The following KPNA4 variants were observed in gnomAD, a reference collection of about 807,000 sequenced individuals.
KPNA4 encodes karyopherin subunit alpha 4.
In KPNA4, 13 loss-of-function variants were observed where a neutral mutation model predicts 71.3. The ratio of observed to expected loss-of-function variants is 0.18; its 90% confidence interval spans 0.12 to 0.29. KPNA4 has a LOEUF of 0.29. Among genes scored for constraint, KPNA4 ranks in the 10% least tolerant of loss-of-function variants. The pLI is 1.00. For missense variants in KPNA4, 334 were observed against 603.2 expected, an observed-to-expected ratio of 0.55 and a Z score of 4.67; for synonymous variants, 189 against 195.2, an observed-to-expected ratio of 0.97 and a Z score of 0.26.
intron 5 of KPNA4, among the ~76,000 whole-genome samples, chr3:160,534,981 C>T (rs1721656453): frequency 6.6e-6 from 1 of 151,868 alleles, no homozygotes; most frequent in South Asian, 2.1e-4. Flanking sequence ...CTCGGCCTCC[C>T]AAAGTGCTGG....
intron 7 of KPNA4, among the ~76,000 whole-genome samples, chr3:160,530,109 T>C (rs1183821726): frequency 8.1e-6 from 1 of 123,430 alleles, no homozygotes; most frequent in African/African-American, 3.2e-5. Context: ...CACTCCAGCC[T>C]GGGCGACAGA....
At chr3:160,511,887 T>C (rs2108544891) in intron 13 of KPNA4, among the ~76,000 whole-genome samples, 1 of 152,072 alleles carries the variant, frequency 6.6e-6, no homozygotes, top group Admixed American at 6.5e-5. Context: ...GTAATTATGC[T>C]AATGTTTTTA....
At chr3:160,539,915 G>T (rs1383744483) in intron 1 of KPNA4, among the ~76,000 whole-genome samples, 1 of 149,462 alleles carries the variant, frequency 6.7e-6, no homozygotes, top group Non-Finnish European at 1.5e-5. Context: ...TAAATGTTTT[G>T]TTTACTCCAA....
intron 10 of KPNA4, among the ~76,000 whole-genome samples, chr3:160,522,461 CTT>C (rs565597839): frequency 3.4e-5 from 5 of 146,508 alleles, no homozygotes; most frequent in Non-Finnish European, 7.6e-5. Flanking sequence ...CTGGAGACAA[CTT>C]TTTTTTTTTT....
chr3:160,561,039 C>T (rs746705056), intron 1 of KPNA4, among the ~76,000 whole-genome samples: 30 of 151,524 alleles, frequency 2.0e-4, no homozygotes, highest in Non-Finnish European at 3.9e-4. Flanking sequence ...ATTTATTAAA[C>T]TCTTGCCAAC....
chr3:160,541,649 G>GCACACA (rs60806533), intron 1 of KPNA4, among the ~76,000 whole-genome samples: 6,575 of 146,678 alleles, frequency 0.045, 135 homozygotes, highest in Middle Eastern at 0.068. Flanking sequence ...TTATATACGC[G>GCACACA]CACACACACA....
rs1311477090 is a variant in KPNA4, at chr3:160,509,842, A to G, written c.1167T>C (p.Ala389=). 1.2e-6 allele frequency: 2 copies of G among 1,612,978 alleles called. No individual in the cohort carries two copies. Among genetic ancestry groups the G allele is most frequent in the Admixed American group, 1.7e-5 (1 of 59,974 alleles). ...KGDFGTQKEA[A]WAISNLTISG... is the part of the protein sequence containing the mutation. ...TAATTGTTAAGTTACTTATGGCCCAAGCAGCTTCTTTTTGAGTGCCAAAAT... is the reference window on the plus strand; with the variant it reads ...TAATTGTTAAGTTACTTATGGCCCAGGCAGCTTCTTTTTGAGTGCCAAAAT... Residue 389 remains alanine (A), a synonymous_variant, in exon 14 of 17, where the codon GCT becomes GCC. Transcript: ENST00000334256.
intron 1 of KPNA4, among the ~76,000 whole-genome samples, chr3:160,542,819 T>C (rs930034201): frequency 3.3e-5 from 5 of 152,158 alleles, no homozygotes; most frequent in African/African-American, 1.2e-4. Context: ...AGGCAAGCTA[T>C]TGGAGCAATA....
chr3:160,543,956 C>G (rs2123003), intron 1 of KPNA4, among the ~76,000 whole-genome samples: 56,262 of 151,970 alleles, frequency 0.37, 11,861 homozygotes, highest in Non-Finnish European at 0.48. Flanking sequence ...CTCCTGGGTT[C>G]AAGTGATTCT....
rs542240530 is a variant in KPNA4 at position 160,531,440 on chromosome 3, A to T, written c.383+22T>A. 1.8e-4 allele frequency: 237 copies of T among 1,291,822 alleles called. 1 individual carries two copies. The highest frequency in any genetic ancestry group is 2.2e-4 in the Non-Finnish European group (209 of 941,300). The allele number at this position is 1,291,822 out of a possible 1,614,324, so 80.0% of individuals were successfully genotyped here. A position where few individuals can be genotyped will look rare whatever the true frequency, so the allele number is the denominator to read the frequency against. ...AAGGATACATTCTAAATTAAAAAAA[A>T]AAAAATAAATAATGTACTCACTTGT... On this transcript the variant is annotated intron_variant, in intron 6 of 16. Transcript: ENST00000334256.
At chr3:160,552,410 C>T (rs567065807) in intron 1 of KPNA4, among the ~76,000 whole-genome samples, 57 of 151,792 alleles carry the variant, frequency 3.8e-4, no homozygotes, top group Middle Eastern at 3.4e-3. Flanking sequence ...AATCAGAGTA[C>T]CCTCCTGTTT....
intron 11 of KPNA4, 32 bp downstream of exon 11, chr3:160,521,747 A>C (rs764751082): frequency 1.5e-5 from 24 of 1,601,600 alleles, no homozygotes; most frequent in Non-Finnish European, 2.0e-5. Context: ...AGTGGTAAGA[A>C]ATACTTATAA....
intron 11 of KPNA4, among the ~76,000 whole-genome samples, chr3:160,517,408 C>T (rs540167537): frequency 7.2e-5 from 11 of 152,066 alleles, no homozygotes; most frequent in Non-Finnish European, 1.2e-4. Context: ...TTACAAATAA[C>T]GCTGCTGTGA....
chr3:160,565,146 C>CG, intron 1 of KPNA4, 68 bp downstream of exon 1: 2 of 1,352,212 alleles, frequency 1.5e-6, no homozygotes, highest in South Asian at 1.2e-5. Context: ...TCCCCACACT[C>CG]GGGGTCCCGG....
chr3:160,525,077 C>G (rs1721433203), intron 10 of KPNA4, among the ~76,000 whole-genome samples: 1 of 152,214 alleles, frequency 6.6e-6, no homozygotes, highest in Non-Finnish European at 1.5e-5. Context: ...TTTACAAGCA[C>G]TCAGGGCAGT....
chr3:160,522,567 C>T (rs1308131276), intron 10 of KPNA4, among the ~76,000 whole-genome samples: 1 of 152,142 alleles, frequency 6.6e-6, no homozygotes, highest in East Asian at 1.9e-4. Context: ...ATGCCATTCT[C>T]CTGCCTCAGC....
At chr3:160,525,891 T>C in intron 9 of KPNA4, 47 bp from the exon 10 acceptor site, 1 of 1,513,870 alleles carries the variant, frequency 6.6e-7, no homozygotes, top group Non-Finnish European at 8.9e-7. Flanking sequence ...AAATAAAAAA[T>C]ATATATATAA....
intron 1 of KPNA4, among the ~76,000 whole-genome samples, chr3:160,547,556 G>T (rs531975621): frequency 6.6e-6 from 1 of 151,884 alleles, no homozygotes; most frequent in African/African-American, 2.4e-5. Context: ...TGTTACAACT[G>T]ATGAGCCTAC....
intron 1 of KPNA4, among the ~76,000 whole-genome samples, chr3:160,558,855 T>C (rs981693706): frequency 1.2e-4 from 18 of 152,206 alleles, no homozygotes; most frequent in African/African-American, 4.1e-4. Flanking sequence ...GATGCAATAG[T>C]TGTCACTGAT....
Sources: allele counts gnomAD v4.1 joint callset (sites outside exome capture counted in the v4.1 genomes callset), GRCh38; gene constraint gnomAD v4.1.1; transcripts MANE v1.5; gene names NCBI Gene and HGNC (gene_info 2026-07-23, HGNC 2026-07-21).